SHROOM1: variants seen among roughly 807,000 people sequenced by gnomAD.
SHROOM1 encodes the protein shroom family member 1.
In SHROOM1, 53 loss-of-function variants were observed where a neutral mutation model predicts 64.2. The observed-to-expected ratio is 0.83, with a 90% CI of 0.66 to 1.04. SHROOM1 has a LOEUF of 1.04. Ranked by LOEUF, SHROOM1 falls within the 50% of genes least tolerant of loss-of-function variation. The pLI, the probability that SHROOM1 is intolerant of heterozygous loss-of-function variation, is 0.00. For missense variants in SHROOM1, 1,179 were observed against 1,163.2 expected, an observed-to-expected ratio of 1.01 and a Z score of -0.20; for synonymous variants, 490 against 518.9, an observed-to-expected ratio of 0.94 and a Z score of 0.76.
rs945330942 is a variant in SHROOM1, at chr5:132,830,442, C to T, written c.-501+152G>A. On this transcript the variant is annotated intron_variant, in intron 1 of 9. Transcript: ENST00000378679. This position sits in a 1 kb window ranked among gnomAD's most constrained non-coding sequence, Gnocchi z 5.9. ...TGGCGCAACCTGACGCGGCGCCGAG[C>T]CAGACACGTCCCGGCCGAACGATGC... 1 of 984,880 alleles carries T rather than the reference C, an allele frequency of 1.0e-6. No homozygotes were observed. The highest frequency in any genetic ancestry group is 1.2e-6 in the Non-Finnish European group (1 of 829,800). The allele number at this position is 984,880 out of a possible 1,614,324, so 61.0% of individuals were successfully genotyped here.
rs1208410551 is a variant in SHROOM1 at position 132,830,486 on chromosome 5, A to C, written c.-501+108T>G. 11 of 983,768 alleles carry C rather than the reference A, an allele frequency of 1.1e-5. No homozygotes were observed. The East Asian group carries it at 9.2e-4, about 83-fold the overall frequency. The allele number at this position is 983,768 out of a possible 1,614,324, so 60.9% of individuals were successfully genotyped here. On this transcript the variant is annotated intron_variant, in intron 1 of 9. Coordinates refer to ENST00000378679, the MANE Select transcript of SHROOM1 (RefSeq NM_001172700.2). This position sits in a 1 kb window ranked among gnomAD's most constrained non-coding sequence, Gnocchi z 5.9. Reference sequence around the variant, plus strand: ...ACGATGCCCGGGCTGCCCCGCGACCACCGCCTCGCCGCCCGCTCTTCACCC... The same window carrying C: ...ACGATGCCCGGGCTGCCCCGCGACCCCCGCCTCGCCGCCCGCTCTTCACCC...
intron 6 of SHROOM1, 41 bp downstream of exon 6, chr5:132,824,574 C>T (rs748064127): frequency 1.1e-5 from 18 of 1,578,878 alleles, no homozygotes; most frequent in Non-Finnish European, 1.6e-5. Flanking sequence ...ATGTGTGTGT[C>T]AGGGGGTGCC....
chr5:132,825,169 A>T lies in SHROOM1; in HGVS notation c.972T>A (p.Ile324=), dbSNP rs1417817589. The change falls in exon 4 of 10, where the codon ATT becomes ATA. Residue 324 remains isoleucine, a synonymous_variant. Transcript: ENST00000378679. This position sits in a 1 kb window ranked among gnomAD's most constrained non-coding sequence, Gnocchi z 5.1. ...SWGGSGGTIP[I]VQAVPQGAET... The stretch of plus-strand genomic sequence containing the variant: ...CATCTCCTGACTTCCATACCTGGAC[A>T]ATGGGTATGGTCCCTCCTGATCCTC... 6.2e-7 allele frequency: 1 copy of T among 1,614,090 alleles called. No homozygotes were observed. The highest frequency in any genetic ancestry group is 1.7e-5 in the Admixed American group (1 of 60,012).
chr5:132,828,956 T>C (rs1469308468), intron 1 of SHROOM1, among the ~76,000 whole-genome samples: 2 of 152,220 alleles, frequency 1.3e-5, no homozygotes, highest in African/African-American at 4.8e-5. Flanking sequence ...GGGAGCCTCT[T>C]GCAGTCCAGC....
chr5:132,828,870 G>A (rs1201578448), intron 1 of SHROOM1, among the ~76,000 whole-genome samples: 1 of 152,238 alleles, frequency 6.6e-6, no homozygotes, highest in Admixed American at 6.5e-5. Flanking sequence ...CATGCCAAGA[G>A]GGCCCAGCTG....
In SHROOM1 at chr5:132,823,900, C is replaced by A; in HGVS notation, c.1761G>T (p.Arg587=). ...CCTCTCCAGCCTCCCCACAGGCAGG[C>A]CGCATTGCAGCCCGGACCTCTGCTA... ...IPLAEVRAAM[R]PACGEAGEEA... is the part of the protein sequence containing the mutation. Residue 587 remains arginine, a synonymous_variant, in exon 7 of 10, where the codon CGG becomes CGT. Coordinates refer to ENST00000378679, the MANE Select transcript of SHROOM1 (RefSeq NM_001172700.2). The surrounding 1 kb of genome is among the most constrained non-coding windows in gnomAD (Gnocchi z 4.6). 1 of 1,543,460 alleles carries A rather than the reference C, an allele frequency of 6.5e-7. No individual in the cohort carries two copies. Among genetic ancestry groups the A allele is most frequent in the East Asian group, 2.3e-5 (1 of 44,310 alleles).
chr5:132,827,211 T>A (rs1758730260), intron 2 of SHROOM1, among the ~76,000 whole-genome samples: 3 of 152,326 alleles, frequency 2.0e-5, no homozygotes, highest in Admixed American at 1.3e-4. Context: ...CCTGTTGGCT[T>A]GCTTCTGATT....
chr5:132,830,426 C>T lies in SHROOM1; in HGVS notation c.-501+168G>A. ...TGGGGTCCGACTCCACTGGCGCAAC[C>T]TGACGCGGCGCCGAGCCAGACACGT... is the stretch of plus-strand genomic sequence containing the variant. On this transcript the variant is annotated intron_variant, in intron 1 of 9. Coordinates refer to ENST00000378679, the MANE Select transcript of SHROOM1 (RefSeq NM_001172700.2). The surrounding 1 kb of genome is among the most constrained non-coding windows in gnomAD (Gnocchi z 5.9). 4 of 985,076 alleles carry T rather than the reference C, an allele frequency of 4.1e-6. No individual in the cohort carries two copies. The highest frequency in any genetic ancestry group is 4.8e-6 in the Non-Finnish European group (4 of 829,806). 61.0% of individuals were successfully genotyped at this position (985,076 alleles called of 1,614,324 possible).
rs147440824 is a variant in SHROOM1, at chr5:132,823,918, C to G, written c.1743G>C (p.Glu581Asp). The change falls in exon 7 of 10, where the codon GAG (glutamate) becomes GAC (aspartate). Residue 581 changes from glutamate (E) to aspartate (D), a missense_variant. Physicochemically the swap from Glu to Asp is conservative, Grantham distance 45. Transcript: ENST00000378679. The surrounding 1 kb of genome is among the most constrained non-coding windows in gnomAD (Gnocchi z 4.6). Reference sequence around the variant, plus strand: ...AGGCAGGCCGCATTGCAGCCCGGACCTCTGCTAAAGGAATCAGTCCATCCA... The same window carrying G: ...AGGCAGGCCGCATTGCAGCCCGGACGTCTGCTAAAGGAATCAGTCCATCCA... ...GLLDGLIPLA[E>D]VRAAMRPACG... is the part of the protein sequence containing the mutation. The G allele has an allele frequency of 9.0e-6, 14 of 1,558,898 alleles. No individual in the cohort carries two copies. The highest frequency in any genetic ancestry group is 1.1e-5 in the Non-Finnish European group (13 of 1,155,076).
chr5:132,826,238 G>A (rs1758697633), intron 3 of SHROOM1, 39 bp downstream of exon 3: 8 of 1,257,716 alleles, frequency 6.4e-6, no homozygotes, highest in Non-Finnish European at 8.0e-6. Context: ...GGCTGGGACA[G>A]CCTGCTGGCC....
At position 132,822,860 on chromosome 5, in the gene SHROOM1, C is replaced by T. The variant is rs1243745389; in HGVS notation, c.2495G>A (p.Ser832Asn). The T allele has an allele frequency of 1.2e-6, 2 of 1,613,330 alleles. No individual in the cohort carries two copies. The highest frequency in any genetic ancestry group is 1.3e-5 in the African/African-American group (1 of 74,948). Residue 832 changes from serine to asparagine, a missense_variant, in exon 10 of 10, where the codon AGC becomes AAC. Transcript: ENST00000378679. The stretch of plus-strand genomic sequence containing the variant: ...ACAGGTCCCTGGGGGCCGCGCCGGG[C>T]TGGGAGACGGGGCATGATGGCCAAG... ...DDLGHHAPSP[S>N]PARPPGTCPP...
rs1758667675 is a variant in SHROOM1 at position 132,825,763 on chromosome 5, C to T, written c.378G>A (p.Ala126=). The change falls in exon 4 of 10, where the codon GCG becomes GCA. Residue 126 remains alanine (A), a synonymous_variant. Transcript: ENST00000378679. This position sits in a 1 kb window ranked among gnomAD's most constrained non-coding sequence, Gnocchi z 5.1. The part of the protein sequence containing the change: ...YALAAEAEAA[A]QAAEPPSPPA... ...GCGGGCTGGGCGGCTCGGCAGCCTG[C>T]GCCGCGGCCTCCGCCTCGGCCGCCA... 4 of 1,242,186 alleles carry T rather than the reference C, an allele frequency of 3.2e-6. No homozygotes were observed. The highest frequency in any genetic ancestry group is 1.6e-5 in the African/African-American group (1 of 63,830). The allele number at this position is 1,242,186 out of a possible 1,614,324, so 76.9% of individuals were successfully genotyped here.
Position 132,825,775 on chromosome 5 carries a change from C to A in SHROOM1, c.366G>T (p.Ala122=). The A allele has an allele frequency of 8.1e-7, 1 of 1,241,936 alleles. No homozygotes were observed. The highest frequency in any genetic ancestry group is 1.0e-6 in the Non-Finnish European group (1 of 995,998). The allele number at this position is 1,241,936 out of a possible 1,614,324, so 76.9% of individuals were successfully genotyped here. A position where few individuals can be genotyped will look rare whatever the true frequency, so the allele number is the denominator to read the frequency against. ...TPLLYALAAE[A]EAAAQAAEPP... ...GCTCGGCAGCCTGCGCCGCGGCCTCCGCCTCGGCCGCCAGCGCGTACAGCA... is the reference window on the plus strand; with the variant it reads ...GCTCGGCAGCCTGCGCCGCGGCCTCAGCCTCGGCCGCCAGCGCGTACAGCA... The change falls in exon 4 of 10, where the codon GCG becomes GCT. Residue 122 remains alanine (A), a synonymous_variant. Transcript: ENST00000378679. The surrounding 1 kb of genome is among the most constrained non-coding windows in gnomAD (Gnocchi z 5.1).
Position 132,825,376 on chromosome 5 carries a change from G to C in SHROOM1, c.765C>G (p.Pro255=). The change falls in exon 4 of 10, where the codon CCC becomes CCG. Residue 255 remains proline (P), a synonymous_variant. Transcript: ENST00000378679. This position sits in a 1 kb window ranked among gnomAD's most constrained non-coding sequence, Gnocchi z 5.1. The stretch of plus-strand genomic sequence containing the variant: ...CCGGATGCTGGAACTCCAAGGGCTC[G>C]GGCCCAGGGAGGCCAGAGCTGGAGC... ...EACSSSGLPG[P]EPLEFQHPAL... is the part of the protein sequence containing the mutation. 6.3e-7 allele frequency: 1 copy of C among 1,597,582 alleles called. No individual in the cohort carries two copies. Among genetic ancestry groups the C allele is most frequent in the Non-Finnish European group, 8.5e-7 (1 of 1,178,658 alleles).
rs1299527445 is a variant in SHROOM1 at position 132,825,710 on chromosome 5, C to T, written c.431G>A (p.Arg144Gln). ...CACTCGCCGCTGCGCGCCCTGAAGC[C>T]GCTGGCGGTAGGCGGCCCTCGAGGC... Reference protein sequence around the residue: ...PPASRAAYRQRLQGAQRRVLR... With the variant: ...PPASRAAYRQQLQGAQRRVLR... The change falls in exon 4 of 10, where the codon CGG (arginine) becomes CAG (glutamine). Residue 144 changes from arginine to glutamine, a missense_variant. Coordinates refer to ENST00000378679, the MANE Select transcript of SHROOM1 (RefSeq NM_001172700.2). The surrounding 1 kb of genome is among the most constrained non-coding windows in gnomAD (Gnocchi z 5.1). The T allele has an allele frequency of 3.0e-6, 4 of 1,315,322 alleles. No individual in the cohort carries two copies. Among genetic ancestry groups the T allele is most frequent in the Non-Finnish European group, 1.9e-6 (2 of 1,035,810 alleles). 81.5% of individuals were successfully genotyped at this position (1,315,322 alleles called of 1,614,324 possible).
intron 2 of SHROOM1, among the ~76,000 whole-genome samples, chr5:132,827,066 C>T (rs536830630): frequency 1.4e-4 from 21 of 152,326 alleles, no homozygotes; most frequent in African/African-American, 4.8e-4. Flanking sequence ...CTCTGCCTTT[C>T]GTCTAGGAAT....
Position 132,824,672 on chromosome 5 carries a change from G to A in SHROOM1, c.1184C>T (p.Pro395Leu). The A allele has an allele frequency of 6.2e-7, 1 of 1,614,020 alleles. No individual in the cohort carries two copies. The highest frequency in any genetic ancestry group is 1.3e-5 in the African/African-American group (1 of 75,046). ...LPDEVFLEEA[P>L]LVRMRSPPDP... ...TGGTGGTGATCTCATTCTGACCAGT[G>A]GGGCCTCTTCTAGGAACACTTCATC... The change falls in exon 6 of 10, where the codon CCA becomes CTA. Residue 395 changes from proline (P) to leucine (L), a missense_variant. Physicochemically the swap from Pro to Leu is moderately conservative, Grantham distance 98 (BLOSUM62 -3). Coordinates refer to ENST00000378679, the MANE Select transcript of SHROOM1 (RefSeq NM_001172700.2).
At position 132,823,459 on chromosome 5, in the gene SHROOM1, G is replaced by A. The variant is rs1393019269; in HGVS notation, c.2017C>T (p.Gln673Ter). 23 of 1,612,502 alleles carry A rather than the reference G, an allele frequency of 1.4e-5. No homozygotes were observed. The highest frequency in any genetic ancestry group is 1.9e-5 in the Non-Finnish European group (22 of 1,179,814). The change falls in exon 9 of 10, where the codon CAG becomes TAG. Residue 673 changes from glutamine (Q) to a stop codon, truncating the protein, a stop_gained. Coordinates refer to ENST00000378679, the MANE Select transcript of SHROOM1 (RefSeq NM_001172700.2). LOFTEE classifies it high-confidence loss of function. The surrounding 1 kb of genome is among the most constrained non-coding windows in gnomAD (Gnocchi z 4.6). ...QDLHTEQERL[Q>*]GEAQAWARRQ... ...CTGGCCCACGCTTGTGCCTCCCCCT[G>A]CAGCCGCTCCTGCTCCGTGTGAAGG...
chr5:132,830,289 C>T lies in SHROOM1; in HGVS notation c.-501+305G>A, dbSNP rs1758807096. On this transcript the variant is annotated intron_variant, in intron 1 of 9. Transcript: ENST00000378679. This position sits in a 1 kb window ranked among gnomAD's most constrained non-coding sequence, Gnocchi z 5.9. Reference sequence around the variant, plus strand: ...AGCGGAGGGTGGCGGAGTGAGACCGCGCTGCCCGCCGGCGCCACACGCGGC... The same window carrying T: ...AGCGGAGGGTGGCGGAGTGAGACCGTGCTGCCCGCCGGCGCCACACGCGGC... The T allele has an allele frequency of 2.0e-6, 2 of 985,262 alleles. No individual in the cohort carries two copies. Among genetic ancestry groups the T allele is most frequent in the Middle Eastern group, 1.0e-3 (2 of 1,912 alleles). The allele number at this position is 985,262 out of a possible 1,614,324, so 61.0% of individuals were successfully genotyped here. A position where few individuals can be genotyped will look rare whatever the true frequency, so the allele number is the denominator to read the frequency against.
Sources: allele counts gnomAD v4.1 joint callset (sites outside exome capture counted in the v4.1 genomes callset), GRCh38; gene constraint gnomAD v4.1.1; non-coding constraint Gnocchi (gnomAD v3.1); transcripts MANE v1.5; gene names NCBI Gene and HGNC (gene_info 2026-07-23, HGNC 2026-07-21).